Variants in FOXK1 observed in about 807,000 individuals in gnomAD.
The protein encoded by FOXK1 is forkhead box K1.
Under a neutral mutation model 51.9 loss-of-function variants are expected in FOXK1, and 19 were observed. The observed-to-expected ratio is 0.37, with a 90% CI of 0.26 to 0.54. The LOEUF (loss-of-function observed/expected upper bound fraction) is 0.54, where lower values mean the gene tolerates loss of function less well. FOXK1 is among the 20% of genes least tolerant of loss of function. The pLI is 0.87. For synonymous variants in FOXK1, 537 were observed against 482.6 expected, an observed-to-expected ratio of 1.11 and a Z score of -1.48; for missense variants, 870 against 1,032.7, an observed-to-expected ratio of 0.84 and a Z score of 2.16.
chr7:4,710,643 C>T (rs927668346), intron 1 of FOXK1, among the ~76,000 whole-genome samples: 5 of 151,972 alleles, frequency 3.3e-5, no homozygotes, highest in Admixed American at 2.0e-4. Flanking sequence ...TGGGTGCAGC[C>T]GGGTGTATGG....
chr7:4,697,412 G>T (rs911468842), intron 1 of FOXK1, among the ~76,000 whole-genome samples: 5 of 152,212 alleles, frequency 3.3e-5, no homozygotes, highest in Non-Finnish European at 7.3e-5. Context: ...AGCTGCCTGT[G>T]TTTGTAAATA....
At chr7:4,697,035 C>T (rs1779962421) in intron 1 of FOXK1, among the ~76,000 whole-genome samples, 1 of 152,192 alleles carries the variant, frequency 6.6e-6, no homozygotes, top group Non-Finnish European at 1.5e-5. Context: ...CCTGCCACCG[C>T]ACTCCAGCCT....
chr7:4,750,186 A>T (rs564772719), intron 2 of FOXK1, among the ~76,000 whole-genome samples: 115 of 152,234 alleles, frequency 7.6e-4, no homozygotes, highest in African/African-American at 2.6e-3. Context: ...TCAGCCTCCA[A>T]TCGGGGGGCA....
rs769784955 is a variant in FOXK1, at chr7:4,759,120, G to A, written c.1314G>A (p.Glu438=). 4 of 1,612,126 alleles carry A rather than the reference G, an allele frequency of 2.5e-6. No individual in the cohort carries two copies. In the South Asian group the frequency reaches 4.4e-5, roughly 18 times the overall value. ...SPRSGGLQTP[E]CLSREGSPIP... ...GCTCCGGCGGCCTGCAGACCCCAGA[G>A]TGCCTGTCTCGGGAGGGCTCCCCCA... The change falls in exon 6 of 9, where the codon GAG becomes GAA. Residue 438 remains glutamate, a synonymous_variant. Coordinates refer to ENST00000328914, the MANE Select transcript of FOXK1 (RefSeq NM_001037165.2).
rs1780345856 is a variant in FOXK1 at position 4,723,928 on chromosome 7, C to T, written c.561-16910C>T. ...TCAAGCGATCCTCCTACCTCAGCTT[C>T]CCAAAGTGCTGGGATTACAGGCGTG... On this transcript the variant is annotated intron_variant, in intron 1 of 8. Coordinates refer to ENST00000328914, the MANE Select transcript of FOXK1 (RefSeq NM_001037165.2). This position sits in a 1 kb window ranked among gnomAD's most constrained non-coding sequence, Gnocchi z 4.7. Among the ~76,000 whole-genome samples the T allele has an allele frequency of 6.6e-6, 1 of 152,342 alleles. No homozygotes were observed. Among genetic ancestry groups the T allele is most frequent in the South Asian group, 2.1e-4 (1 of 4,828 alleles).
chr7:4,729,224 C>G lies in FOXK1; in HGVS notation c.561-11614C>G, dbSNP rs1169477587. Among the ~76,000 whole-genome samples the G allele has an allele frequency of 6.6e-6, 1 of 152,186 alleles. No individual in the cohort carries two copies. The highest frequency in any genetic ancestry group is 1.5e-5 in the Non-Finnish European group (1 of 68,034). ...CCTACTCTCCGATCCTCAGGATCCT[C>G]TTCGGGAGCAGCAGGCAGTGGCTTT... On this transcript the variant is annotated intron_variant, in intron 1 of 8. Coordinates refer to ENST00000328914, the MANE Select transcript of FOXK1 (RefSeq NM_001037165.2). The surrounding 1 kb of genome is among the most constrained non-coding windows in gnomAD (Gnocchi z 6.2).
At chr7:4,738,239 C>T (rs1304069302) in intron 1 of FOXK1, among the ~76,000 whole-genome samples, 1 of 151,340 alleles carries the variant, frequency 6.6e-6, no homozygotes, top group East Asian at 2.0e-4. Context: ...GAGTTTGAGA[C>T]CAGCCTGGCC....
Position 4,735,933 on chromosome 7 carries a change from C to G in FOXK1, c.561-4905C>G, listed in dbSNP as rs2115058004. On this transcript the variant is annotated intron_variant, in intron 1 of 8. Coordinates refer to ENST00000328914, the MANE Select transcript of FOXK1 (RefSeq NM_001037165.2). The surrounding 1 kb of genome is among the most constrained non-coding windows in gnomAD (Gnocchi z 4.7). ...CTTTGAGAGGCTGATGCGGGTGGAT[C>G]ACTTGAGGTCAGGAGTTCAAGACCA... Among the ~76,000 whole-genome samples the G allele has an allele frequency of 6.6e-6, 1 of 152,296 alleles. No individual in the cohort carries two copies. The highest frequency in any genetic ancestry group is 2.4e-5 in the African/African-American group (1 of 41,570).
rs766948751 is a variant in FOXK1, at chr7:4,755,202, C to T, written c.904-35C>T. On this transcript the variant is annotated intron_variant, in intron 3 of 8. Transcript: ENST00000328914. This position sits in a 1 kb window ranked among gnomAD's most constrained non-coding sequence, Gnocchi z 6.6. ...GGGTGGGGTAGACTCAGGGACCTTG[C>T]TGGAGCTCATCCCGTGAGCCGTGTT... 6.2e-7 allele frequency: 1 copy of T among 1,609,598 alleles called. No individual in the cohort carries two copies. The highest frequency in any genetic ancestry group is 1.1e-5 in the South Asian group (1 of 90,836).
chr7:4,718,213 TGC>T (rs10550769), intron 1 of FOXK1, among the ~76,000 whole-genome samples: 12,010 of 152,194 alleles, frequency 0.079, 1,462 homozygotes, highest in African/African-American at 0.26. Context: ...TTGGCATCGG[TGC>T]GCTGTGTGTG....
intron 1 of FOXK1, among the ~76,000 whole-genome samples, chr7:4,705,511 TTCTCTTTCTCTCTC>T (rs1351786040): frequency 5.5e-5 from 6 of 108,384 alleles, no homozygotes; most frequent in African/African-American, 1.6e-4. Flanking sequence ...TGTCATTTCC[TTCTCTTTCTCTCTC>T]TCTCTCTCTC....
At chr7:4,744,876 A>C (rs1273297480) in intron 2 of FOXK1, among the ~76,000 whole-genome samples, 4 of 152,200 alleles carry the variant, frequency 2.6e-5, no homozygotes, top group African/African-American at 9.7e-5. Flanking sequence ...TAAGTTAGGG[A>C]CTGGCTGTCT....
intron 1 of FOXK1, among the ~76,000 whole-genome samples, chr7:4,712,080 C>T (rs1424414659): frequency 2.6e-5 from 4 of 151,486 alleles, no homozygotes; most frequent in Non-Finnish European, 4.4e-5. Flanking sequence ...CAGTCTCTCA[C>T]TTTTTATCCA....
Position 4,758,597 on chromosome 7 carries a change from T to A in FOXK1, c.1245-454T>A, listed in dbSNP as rs1172042424. On this transcript the variant is annotated intron_variant, in intron 5 of 8. Transcript: ENST00000328914. This position sits in a 1 kb window ranked among gnomAD's most constrained non-coding sequence, Gnocchi z 4.4. ...CTGGGCGTATGGTTGAGGTAGGACT[T>A]CAAAAAAGTGTTCGAACGTCATTTG... The A allele has an allele frequency of 6.1e-6, 1 of 164,118 alleles. No individual in the cohort carries two copies. The highest frequency in any genetic ancestry group is 2.4e-5 in the African/African-American group (1 of 41,744). 10.2% of individuals were successfully genotyped at this position (164,118 alleles called of 1,614,324 possible). A position where few individuals can be genotyped will look rare whatever the true frequency, so the allele number is the denominator to read the frequency against.
At chr7:4,738,130 GAA>G (rs573837324) in intron 1 of FOXK1, among the ~76,000 whole-genome samples, 5,274 of 91,342 alleles carry the variant, frequency 0.058, 161 homozygotes, top group Middle Eastern at 0.15. Flanking sequence ...CTCAAAAAGA[GAA>G]AAAAAAAAAA....
Position 4,682,707 on chromosome 7 carries a change from G to C in FOXK1, c.399G>C (p.Ser133=), listed in dbSNP as rs531742024. The change falls in exon 1 of 9, where the codon TCG becomes TCC. Residue 133 remains serine (S), a synonymous_variant. Coordinates refer to ENST00000328914, the MANE Select transcript of FOXK1 (RefSeq NM_001037165.2). The surrounding 1 kb of genome is among the most constrained non-coding windows in gnomAD (Gnocchi z 7.6). ...VTIGRNSSQG[S]VDLSMGLSSF... ...TCGGCCGCAACTCGTCGCAGGGCTCGGTGGACTTGAGCATGGGCCTGTCCA... is the reference window on the plus strand; with the variant it reads ...TCGGCCGCAACTCGTCGCAGGGCTCCGTGGACTTGAGCATGGGCCTGTCCA... 6.2e-7 allele frequency: 1 copy of C among 1,603,202 alleles called. No individual in the cohort carries two copies. Among genetic ancestry groups the C allele is most frequent in the Non-Finnish European group, 8.5e-7 (1 of 1,178,082 alleles).
At chr7:4,696,736 A>C (rs971926961) in intron 1 of FOXK1, among the ~76,000 whole-genome samples, 11 of 152,286 alleles carry the variant, frequency 7.2e-5, no homozygotes, top group African/African-American at 2.6e-4. Context: ...TTGCCTATGG[A>C]AAGTCCACAG....
chr7:4,764,325 G>A lies in FOXK1; in HGVS notation c.*1861G>A, dbSNP rs1410954857. ...TTTTCTAAGCCCCCCGAATTGAGTC[G>A]TTTCTATGGCACTAACCTTTCCATG... On this transcript the variant is annotated 3_prime_UTR_variant, in exon 9 of 9. Coordinates refer to ENST00000328914, the MANE Select transcript of FOXK1 (RefSeq NM_001037165.2). 1 of 154,330 alleles carries A rather than the reference G, an allele frequency of 6.5e-6. No homozygotes were observed. Among genetic ancestry groups the A allele is most frequent in the Non-Finnish European group, 1.5e-5 (1 of 68,228 alleles). 9.6% of individuals were successfully genotyped at this position (154,330 alleles called of 1,614,324 possible).
intron 1 of FOXK1, among the ~76,000 whole-genome samples, chr7:4,713,421 CA>C (rs1780198385): frequency 6.6e-6 from 1 of 151,888 alleles, no homozygotes; most frequent in South Asian, 2.1e-4. Context: ...GCAGCCACTG[CA>C]GCTTCTGGGC....
Sources: allele counts gnomAD v4.1 joint callset (sites outside exome capture counted in the v4.1 genomes callset), GRCh38; gene constraint gnomAD v4.1.1; non-coding constraint Gnocchi (gnomAD v3.1); transcripts MANE v1.5; gene names NCBI Gene and HGNC (gene_info 2026-07-23, HGNC 2026-07-21).